The following MAML3 variants were observed in gnomAD, a reference collection of about 807,000 sequenced individuals.
MAML3 encodes the protein mastermind like transcriptional coactivator 3.
Under a neutral mutation model 101.9 loss-of-function variants are expected in MAML3, and 27 were observed. The observed-to-expected ratio is 0.27, with a 90% CI of 0.20 to 0.37. The LOEUF (loss-of-function observed/expected upper bound fraction) is 0.37, where lower values mean the gene tolerates loss of function less well. MAML3 is among the 10% of genes least tolerant of loss of function. The probability of loss-of-function intolerance (pLI) is 1.00; values close to 1 mark genes in which losing one functional copy is unlikely to be tolerated. For synonymous variants in MAML3, 501 were observed against 555.9 expected, an observed-to-expected ratio of 0.90 and a Z score of 1.39; for missense variants, 1,316 against 1,444.9, an observed-to-expected ratio of 0.91 and a Z score of 1.45.
intron 2 of MAML3, among the ~76,000 whole-genome samples, chr4:139,813,884 CTG>C (rs1204394441): frequency 2.0e-5 from 3 of 152,130 alleles, no homozygotes; most frequent in East Asian, 1.9e-4. Flanking sequence ...GATGAAGACT[CTG>C]TGAATGATTT....
intron 2 of MAML3, among the ~76,000 whole-genome samples, chr4:139,853,515 T>A (rs1221085334): frequency 6.6e-6 from 1 of 152,120 alleles, no homozygotes; most frequent in Non-Finnish European, 1.5e-5. Flanking sequence ...GGGGACATTC[T>A]TTAGAGGCTG....
intron 2 of MAML3, among the ~76,000 whole-genome samples, chr4:139,851,748 A>C (rs560315524): frequency 6.6e-6 from 1 of 152,224 alleles, no homozygotes; most frequent in African/African-American, 2.4e-5. Context: ...ATGCTTGCAG[A>C]CTGTAATCAT....
intron 4 of MAML3, among the ~76,000 whole-genome samples, chr4:139,723,288 CTT>C (rs1363472345): frequency 1.3e-5 from 2 of 152,094 alleles, no homozygotes. Context: ...TTTCAGGTGA[CTT>C]TAATTTTTGT....
chr4:139,844,648 C>G (rs1405091813), intron 2 of MAML3, among the ~76,000 whole-genome samples: 3 of 152,190 alleles, frequency 2.0e-5, no homozygotes, highest in African/African-American at 7.2e-5. Flanking sequence ...CTTTCTTGGT[C>G]ATAGACTGTA....
chr4:140,065,057 T>C lies in MAML3; in HGVS notation c.468+87803A>G, dbSNP rs562762341. Reference sequence around the variant, plus strand: ...CACCAGTCAGTCTGGATTGAGGTCGTCTCTGCCTTTTCACGGACATGTAAA... The same window carrying C: ...CACCAGTCAGTCTGGATTGAGGTCGCCTCTGCCTTTTCACGGACATGTAAA... On this transcript the variant is annotated intron_variant, in intron 1 of 4. Coordinates refer to ENST00000509479, the MANE Select transcript of MAML3 (RefSeq NM_018717.5). Among the ~76,000 whole-genome samples the C allele has an allele frequency of 4.6e-5, 7 of 152,322 alleles. No homozygotes were observed. In the South Asian group the frequency reaches 1.5e-3, roughly 32 times the overall value.
intron 2 of MAML3, among the ~76,000 whole-genome samples, chr4:139,828,398 G>A (rs987982705): frequency 1.3e-5 from 2 of 152,244 alleles, no homozygotes; most frequent in Non-Finnish European, 2.9e-5. Context: ...GTGTTCTTGA[G>A]CAAAGCATTT....
At chr4:139,957,494 C>A (rs1733935198) in intron 1 of MAML3, among the ~76,000 whole-genome samples, 1 of 152,208 alleles carries the variant, frequency 6.6e-6, no homozygotes, top group Admixed American at 6.5e-5. Flanking sequence ...GCTGGTACCT[C>A]TGGTTCCTGA....
At chr4:140,031,307 G>A (rs751169080) in intron 1 of MAML3, among the ~76,000 whole-genome samples, 4 of 151,980 alleles carry the variant, frequency 2.6e-5, no homozygotes, top group South Asian at 2.1e-4. Flanking sequence ...TTGGACCTTC[G>A]GCTCTCCTCC....
At chr4:140,131,548 T>A (rs548282632) in intron 1 of MAML3, among the ~76,000 whole-genome samples, 2 of 152,326 alleles carry the variant, frequency 1.3e-5, no homozygotes, top group Non-Finnish European at 2.9e-5. Flanking sequence ...CTACAAGCTA[T>A]CTCTAAGAAA....
intron 2 of MAML3, among the ~76,000 whole-genome samples, chr4:139,844,259 G>T (rs1025182250): frequency 6.6e-6 from 1 of 152,136 alleles, no homozygotes; most frequent in Non-Finnish European, 1.5e-5. Flanking sequence ...AACATCTTAT[G>T]CAATAATGAG....
chr4:139,922,864 C>A lies in MAML3; in HGVS notation c.469-31897G>T, dbSNP rs930107907. Among the ~76,000 whole-genome samples, 3 of 152,190 alleles carry A rather than the reference C, an allele frequency of 2.0e-5. No individual in the cohort carries two copies. In the East Asian group the frequency reaches 5.8e-4, roughly 29 times the overall value. ...GACACAGCCAAGATGGAGCAGAGGG[C>A]TGCTGTCAGCATTGGCCAGCAGTAG... On this transcript the variant is annotated intron_variant, in intron 1 of 4. Coordinates refer to ENST00000509479, the MANE Select transcript of MAML3 (RefSeq NM_018717.5).
At chr4:139,963,270 A>G (rs777517181) in intron 1 of MAML3, among the ~76,000 whole-genome samples, 2 of 152,226 alleles carry the variant, frequency 1.3e-5, no homozygotes, top group Non-Finnish European at 2.9e-5. Flanking sequence ...AACTAACTAA[A>G]TAAATAAACA....
At chr4:139,772,514 C>T (rs7659793) in intron 2 of MAML3, among the ~76,000 whole-genome samples, 71,326 of 150,562 alleles carry the variant, frequency 0.47, 18,396 homozygotes, top group East Asian at 0.74. Flanking sequence ...GCTAATTTTT[C>T]GTATTTTCAG....
At chr4:139,756,252 A>C (rs1231342331) in intron 2 of MAML3, among the ~76,000 whole-genome samples, 2 of 152,218 alleles carry the variant, frequency 1.3e-5, no homozygotes, top group Non-Finnish European at 2.9e-5. Flanking sequence ...GAAAATGTTG[A>C]TGATTTTGAA....
intron 2 of MAML3, among the ~76,000 whole-genome samples, chr4:139,754,859 T>C (rs1729611773): frequency 6.6e-6 from 1 of 152,244 alleles, no homozygotes; most frequent in African/African-American, 2.4e-5. Flanking sequence ...ATTTAAAGTT[T>C]ATTTATAACA....
chr4:139,853,881 G>A (rs1731605615), intron 2 of MAML3, among the ~76,000 whole-genome samples: 1 of 151,802 alleles, frequency 6.6e-6, no homozygotes, highest in African/African-American at 2.4e-5. Flanking sequence ...GACTGCTGTG[G>A]CACGATCTCG....
rs535761390 is a variant in MAML3, at chr4:139,828,662, G to A, written c.2079+60695C>T. On this transcript the variant is annotated intron_variant, in intron 2 of 4. Transcript: ENST00000509479. Reference sequence around the variant, plus strand: ...GACAGTGTGGAGTAGGCACTTCATGGAGACGAAGGTTGAAAATGGGCAAGA... The same window carrying A: ...GACAGTGTGGAGTAGGCACTTCATGAAGACGAAGGTTGAAAATGGGCAAGA... Among the ~76,000 whole-genome samples, 302 of 150,266 alleles carry A rather than the reference G, an allele frequency of 2.0e-3. 2 individuals are homozygous for A. Among genetic ancestry groups the A allele is most frequent in the African/African-American group, 7.2e-3 (295 of 41,036 alleles).
intron 2 of MAML3, among the ~76,000 whole-genome samples, chr4:139,789,449 T>A (rs1174095958): frequency 6.6e-6 from 1 of 151,952 alleles, no homozygotes; most frequent in Non-Finnish European, 1.5e-5. Flanking sequence ...GAAAGCAGAA[T>A]CTAGAAAGAG....
In MAML3 at chr4:140,004,562, G is replaced by A. The variant is rs556804192; in HGVS notation, c.469-113595C>T. Among the ~76,000 whole-genome samples, 17 of 152,274 alleles carry A rather than the reference G, an allele frequency of 1.1e-4. No individual in the cohort carries two copies. In the East Asian group the frequency reaches 2.5e-3, roughly 23 times the overall value. On this transcript the variant is annotated intron_variant, in intron 1 of 4. Coordinates refer to ENST00000509479, the MANE Select transcript of MAML3 (RefSeq NM_018717.5). The stretch of plus-strand genomic sequence containing the variant: ...TGGGGAGGGGGCAGGGGAGAGTAGT[G>A]AGGAGAGAAAGAAAGAAAATGGGAT...
Sources: gnomAD v4.1 joint callset for allele counts (sites outside exome capture counted in the v4.1 genomes callset) on GRCh38, gnomAD v4.1.1 for gene constraint, MANE v1.5 for transcripts, NCBI Gene and HGNC (gene_info 2026-07-23, HGNC 2026-07-21) for gene names.